TMEM131: variants seen among roughly 807,000 people sequenced by gnomAD.
The protein encoded by TMEM131 is transmembrane protein 131.
TMEM131 carries 66 observed loss-of-function variants against 211.6 expected under a neutral mutation model. The ratio of observed to expected loss-of-function variants is 0.31; its 90% CI spans 0.26 to 0.38. TMEM131 has a LOEUF of 0.38. Ranked by LOEUF, TMEM131 falls within the 10% of genes least tolerant of loss-of-function variation. TMEM131 has a pLI of 1.00. For synonymous variants in TMEM131, 844 were observed against 841.3 expected, an observed-to-expected ratio of 1.00 and a Z score of -0.06; for missense variants, 2,036 against 2,299.3, an observed-to-expected ratio of 0.89 and a Z score of 2.34.
At chr2:97,761,136 T>C in intron 36 of TMEM131, 1 of 537,106 alleles carries the variant, frequency 1.9e-6, no homozygotes, top group Non-Finnish European at 3.3e-6. Context: ...AAGATCACTA[T>C]GAAAGAGACC....
chr2:97,981,809 T>C (rs1302799314), intron 1 of TMEM131, among the ~76,000 whole-genome samples: 1 of 152,216 alleles, frequency 6.6e-6, no homozygotes, highest in Non-Finnish European at 1.5e-5. Context: ...TGGTCTTATA[T>C]GGTCTTTTGT....
chr2:97,761,056 A>G (rs1039702106), intron 36 of TMEM131, 142 bp from the exon 37 acceptor site: 5 of 1,072,058 alleles, frequency 4.7e-6, no homozygotes, highest in Non-Finnish European at 6.7e-6. Flanking sequence ...CTCATGTCAC[A>G]TGCTCTGGGG....
chr2:97,816,175 T>C (rs995082770), intron 12 of TMEM131, among the ~76,000 whole-genome samples: 7 of 152,040 alleles, frequency 4.6e-5, no homozygotes, highest in Non-Finnish European at 1.0e-4. Context: ...ACCCTGTCTC[T>C]ACTAAAAACA....
chr2:97,876,185 T>A (rs960813156), intron 4 of TMEM131, among the ~76,000 whole-genome samples: 7 of 152,160 alleles, frequency 4.6e-5, no homozygotes, highest in African/African-American at 1.2e-4. Context: ...AATAGACCAA[T>A]AACAAGTTCT....
At chr2:97,987,360 G>A (rs1317318993) in intron 1 of TMEM131, among the ~76,000 whole-genome samples, 2 of 152,054 alleles carry the variant, frequency 1.3e-5, no homozygotes, top group African/African-American at 4.8e-5. Context: ...AAAATTAGCT[G>A]AGCGTGGTGG....
intron 1 of TMEM131, among the ~76,000 whole-genome samples, chr2:97,993,872 A>G (rs572173245): frequency 6.6e-6 from 1 of 152,374 alleles, no homozygotes; most frequent in East Asian, 1.9e-4. Context: ...TTAGCATATA[A>G]AATGGCTGTT....
chr2:97,906,117 T>C (rs1333143250), intron 3 of TMEM131, among the ~76,000 whole-genome samples: 1 of 152,186 alleles, frequency 6.6e-6, no homozygotes, highest in Admixed American at 6.5e-5. Flanking sequence ...GTGGTCCATA[T>C]GGTTATCAGT....
intron 4 of TMEM131, among the ~76,000 whole-genome samples, chr2:97,869,972 G>T (rs1258819133): frequency 6.6e-6 from 1 of 152,158 alleles, no homozygotes. Context: ...GTTCATTCTG[G>T]TTGTTGATAA....
chr2:97,936,010 G>A lies in TMEM131; in HGVS notation c.188-8523C>T, dbSNP rs556819964. On this transcript the variant is annotated intron_variant, in intron 1 of 40. Transcript: ENST00000186436. Reference sequence around the variant, plus strand: ...TGGCAGAACAATGCTGCAGCTCCTCGAAAGCCTGATTTCCAGAGAACTGTC... The same window carrying A: ...TGGCAGAACAATGCTGCAGCTCCTCAAAAGCCTGATTTCCAGAGAACTGTC... Among the ~76,000 whole-genome samples the A allele has an allele frequency of 3.3e-5, 5 of 152,238 alleles. No individual in the cohort carries two copies. In the East Asian group the frequency reaches 9.7e-4, roughly 29 times the overall value.
At chr2:97,979,049 T>C (rs994893612) in intron 1 of TMEM131, among the ~76,000 whole-genome samples, 2 of 152,272 alleles carry the variant, frequency 1.3e-5, no homozygotes, top group African/African-American at 4.8e-5. Context: ...TCTCCATCAG[T>C]GCTCCTGGGT....
intron 1 of TMEM131, among the ~76,000 whole-genome samples, chr2:97,939,020 T>C (rs1677585212): frequency 6.6e-6 from 1 of 152,114 alleles, no homozygotes; most frequent in Admixed American, 6.5e-5. Flanking sequence ...CTGGGACACA[T>C]TTAAAGCAGT....
intron 5 of TMEM131, among the ~76,000 whole-genome samples, chr2:97,856,725 GGA>G (rs1673862750): frequency 1.3e-5 from 2 of 152,192 alleles, no homozygotes; most frequent in East Asian, 3.9e-4. Context: ...AAGCTGAAGT[GGA>G]GAGGAAATAG....
At chr2:97,822,875 G>A (rs1390480429) in intron 11 of TMEM131, among the ~76,000 whole-genome samples, 1 of 152,066 alleles carries the variant, frequency 6.6e-6, no homozygotes, top group Middle Eastern at 3.2e-3. Flanking sequence ...AAGCCATTGG[G>A]ACCAATTTGA....
intron 38 of TMEM131, chr2:97,760,143 A>G (rs1027668332): frequency 2.1e-4 from 52 of 245,902 alleles, no homozygotes; most frequent in African/African-American, 8.5e-4. Flanking sequence ...AACCAAGGTG[A>G]CTGCTGCAGG....
intron 3 of TMEM131, among the ~76,000 whole-genome samples, chr2:97,892,780 T>A (rs1675434457): frequency 6.6e-6 from 1 of 152,244 alleles, no homozygotes; most frequent in Admixed American, 6.5e-5. Context: ...CTTTTAGACA[T>A]GAGCCTATTT....
intron 1 of TMEM131, among the ~76,000 whole-genome samples, chr2:97,983,660 T>G (rs367875336): frequency 2.0e-5 from 3 of 152,172 alleles, no homozygotes; most frequent in African/African-American, 7.2e-5. Context: ...ACGAAAGGAC[T>G]GTAGAAGCTC....
intron 3 of TMEM131, among the ~76,000 whole-genome samples, chr2:97,904,626 T>C (rs1362326638): frequency 6.6e-6 from 1 of 152,194 alleles, no homozygotes. Flanking sequence ...AAATTATTCA[T>C]TTACTACGGT....
rs771543903 is a variant in TMEM131, at chr2:97,761,991, G to C, written c.4889+44C>G. The C allele has an allele frequency of 3.0e-5, 46 of 1,516,876 alleles. No homozygotes were observed. The highest frequency in any genetic ancestry group is 3.4e-5 in the Non-Finnish European group (39 of 1,137,684). The allele number at this position is 1,516,876 out of a possible 1,614,324, so 94.0% of individuals were successfully genotyped here. ...TTAAAGGGTGTGACATCGGGTTTTA[G>C]GCACATTTCAAGCTGAGAACCGGAA... On this transcript the variant is annotated intron_variant, in intron 36 of 40. Transcript: ENST00000186436.
intron 1 of TMEM131, among the ~76,000 whole-genome samples, chr2:97,983,235 TCAGA>T (rs1484519219): frequency 2.0e-5 from 3 of 152,206 alleles, no homozygotes; most frequent in Admixed American, 2.0e-4. Context: ...AATGACGGTC[TCAGA>T]CAGTAACAGT....
Sources: gnomAD v4.1 joint callset for allele counts (sites outside exome capture counted in the v4.1 genomes callset) on GRCh38, gnomAD v4.1.1 for gene constraint, MANE v1.5 for transcripts, NCBI Gene and HGNC (gene_info 2026-07-23, HGNC 2026-07-21) for gene names.